The following GPR137C variants were observed in gnomAD, a reference collection of about 807,000 sequenced individuals.
GPR137C encodes G protein-coupled receptor 137C, also known as integral membrane protein GPR137C.
A neutral mutation model predicts 43.4 loss-of-function variants in GPR137C; 27 were observed. The observed-to-expected ratio is 0.62, with a 90% confidence interval of 0.46 to 0.86. The LOEUF is 0.86. Ranked by LOEUF, GPR137C falls within the 40% of genes least tolerant of loss-of-function variation. The probability of loss-of-function intolerance (pLI) is 0.00; values close to 1 mark genes in which losing one functional copy is unlikely to be tolerated. For synonymous variants in GPR137C, 285 were observed against 226.9 expected, an observed-to-expected ratio of 1.26 and a Z score of -2.30; for missense variants, 522 against 534.6, an observed-to-expected ratio of 0.98 and a Z score of 0.23.
chr14:52,572,950 A>G (rs981510539), intron 1 of GPR137C, among the ~76,000 whole-genome samples: 4 of 150,194 alleles, frequency 2.7e-5, no homozygotes, highest in South Asian at 2.1e-4. Context: ...CTATACACCA[A>G]TAATAGAGAA....
At chr14:52,582,215 T>G (rs1255482185) in intron 1 of GPR137C, among the ~76,000 whole-genome samples, 1 of 152,180 alleles carries the variant, frequency 6.6e-6, no homozygotes, top group African/African-American at 2.4e-5. Flanking sequence ...GAGGAATCTA[T>G]GGGATCTCTC....
intron 1 of GPR137C, among the ~76,000 whole-genome samples, chr14:52,560,332 CT>C (rs1167912372): frequency 3.9e-5 from 6 of 152,158 alleles, no homozygotes; most frequent in Non-Finnish European, 8.8e-5. Flanking sequence ...GGTGTTATTT[CT>C]CCCTTAATTT....
At chr14:52,592,908 C>T (rs1212163236) in intron 1 of GPR137C, among the ~76,000 whole-genome samples, 2 of 152,078 alleles carry the variant, frequency 1.3e-5, no homozygotes, top group Non-Finnish European at 2.9e-5. Context: ...TGTCTTGTAC[C>T]GATTTTCAAA....
At chr14:52,580,844 A>G (rs1423662860) in intron 1 of GPR137C, among the ~76,000 whole-genome samples, 1 of 147,646 alleles carries the variant, frequency 6.8e-6, no homozygotes, top group Non-Finnish European at 1.5e-5. Flanking sequence ...ATATGTATAT[A>G]TTAAATATAT....
intron 1 of GPR137C, among the ~76,000 whole-genome samples, chr14:52,589,680 A>G (rs1343270530): frequency 1.3e-5 from 2 of 152,182 alleles, no homozygotes; most frequent in African/African-American, 2.4e-5. Context: ...ACAGTCAGGC[A>G]CCGCATAACA....
intron 1 of GPR137C, among the ~76,000 whole-genome samples, chr14:52,563,422 T>G (rs183577908): frequency 6.6e-6 from 1 of 152,160 alleles, no homozygotes; most frequent in Non-Finnish European, 1.5e-5. Flanking sequence ...CTTCATGGTA[T>G]CTGATGCACT....
chr14:52,607,744 G>T (rs1042904836), intron 3 of GPR137C, among the ~76,000 whole-genome samples: 1 of 151,950 alleles, frequency 6.6e-6, no homozygotes, highest in Non-Finnish European at 1.5e-5. Flanking sequence ...GCATGGTGGC[G>T]CATGCCTGTA....
intron 1 of GPR137C, among the ~76,000 whole-genome samples, chr14:52,556,190 A>G (rs1303006316): frequency 6.6e-6 from 1 of 152,118 alleles, no homozygotes; most frequent in Non-Finnish European, 1.5e-5. Flanking sequence ...CGTATTAAAT[A>G]CCAATTCCAT....
rs373278049 is a variant in GPR137C, at chr14:52,633,576, T to C, written c.914T>C (p.Met305Thr). Residue 305 changes from methionine (M) to threonine (T), a missense_variant, in exon 5 of 7, where the codon ATG (methionine) becomes ACG (threonine). Transcript: ENST00000321662. Reference protein sequence around the residue: ...ISGEEYIVFGMVLFLWEHVPA... With the variant: ...ISGEEYIVFGTVLFLWEHVPA... Reference sequence around the variant, plus strand: ...GGAGAAGAGTATATAGTATTTGGAATGGTCCTCTTTCTGTGGGAACATGTG... The same window carrying C: ...GGAGAAGAGTATATAGTATTTGGAACGGTCCTCTTTCTGTGGGAACATGTG... 44 of 1,612,476 alleles carry C rather than the reference T, an allele frequency of 2.7e-5. No individual in the cohort carries two copies. The highest frequency in any genetic ancestry group is 3.6e-5 in the Non-Finnish European group (42 of 1,178,778).
chr14:52,633,536 G>T lies in GPR137C; in HGVS notation c.874G>T (p.Val292Leu). The part of the protein sequence containing the change: ...GWDNLSDKAH[V>L]EDISGEEYIV... ...TGCCATGCTCTATTTACAGGCTCAT[G>T]TAGAAGACATAAGTGGAGAAGAGTA... The change falls in exon 5 of 7, where the codon GTA becomes TTA. Residue 292 changes from valine (V) to leucine (L), a missense_variant. By Grantham distance (32) the Val-to-Leu change is conservative. Around this residue, in one of 3 missense-constraint regions of GPR137C, gnomAD observed 437 missense variants for 425.7 expected, o/e 1.03. Coordinates refer to ENST00000321662, the MANE Select transcript of GPR137C (RefSeq NM_001099652.2). 6.2e-7 allele frequency: 1 copy of T among 1,611,942 alleles called. No homozygotes were observed. Among genetic ancestry groups the T allele is most frequent in the Non-Finnish European group, 8.5e-7 (1 of 1,178,400 alleles).
chr14:52,554,548 C>T (rs1202024379), intron 1 of GPR137C, among the ~76,000 whole-genome samples: 1 of 151,970 alleles, frequency 6.6e-6, no homozygotes, highest in Non-Finnish European at 1.5e-5. Context: ...GACTTTCCCC[C>T]AAAAAAGTCC....
At chr14:52,573,026 G>A (rs2038495749) in intron 1 of GPR137C, among the ~76,000 whole-genome samples, 2 of 152,146 alleles carry the variant, frequency 1.3e-5, no homozygotes, top group Non-Finnish European at 2.9e-5. Context: ...GGGATGTGAA[G>A]GACCTCTTCA....
intron 3 of GPR137C, among the ~76,000 whole-genome samples, chr14:52,624,606 C>T (rs958495193): frequency 6.6e-6 from 1 of 151,816 alleles, no homozygotes; most frequent in Admixed American, 6.6e-5. Context: ...CACCTGTAGT[C>T]CCAGCTGCTC....
chr14:52,566,663 A>G (rs969085880), intron 1 of GPR137C, among the ~76,000 whole-genome samples: 1 of 152,274 alleles, frequency 6.6e-6, no homozygotes, highest in African/African-American at 2.4e-5. Context: ...CAAAGTAGAA[A>G]AAGTGATATG....
intron 1 of GPR137C, among the ~76,000 whole-genome samples, chr14:52,560,651 T>A (rs949187196): frequency 6.6e-6 from 1 of 152,104 alleles, no homozygotes; most frequent in African/African-American, 2.4e-5. Context: ...CCAAGGTAAT[T>A]TAGTGGGGAA....
intron 1 of GPR137C, among the ~76,000 whole-genome samples, chr14:52,569,000 GAGATACCTCCCAGCA>G (rs1175543114): frequency 1.1e-4 from 17 of 152,218 alleles, no homozygotes; most frequent in Non-Finnish European, 4.4e-5. Flanking sequence ...TCCTGACTGG[GAGATACCTCCCAGCA>G]AGGGGCGACA....
chr14:52,554,214 C>T (rs1258846366), intron 1 of GPR137C, among the ~76,000 whole-genome samples: 1 of 152,138 alleles, frequency 6.6e-6, no homozygotes, highest in East Asian at 1.9e-4. Flanking sequence ...CTCCATAAAG[C>T]CCTTAATGTT....
chr14:52,588,413 G>T (rs2038739585), intron 1 of GPR137C, among the ~76,000 whole-genome samples: 1 of 152,126 alleles, frequency 6.6e-6, no homozygotes, highest in Non-Finnish European at 1.5e-5. Flanking sequence ...CCAAAGTGCT[G>T]GGATTACAGG....
intron 3 of GPR137C, among the ~76,000 whole-genome samples, chr14:52,603,022 A>G (rs1332304737): frequency 6.6e-6 from 1 of 152,198 alleles, no homozygotes; most frequent in Non-Finnish European, 1.5e-5. Flanking sequence ...TATAATTTCC[A>G]TAATGTACTA....
Sources: allele counts gnomAD v4.1 joint callset (sites outside exome capture counted in the v4.1 genomes callset), GRCh38; gene constraint gnomAD v4.1.1; regional missense constraint gnomAD v4.1.1; transcripts MANE v1.5; gene names NCBI Gene and HGNC (gene_info 2026-07-23, HGNC 2026-07-21).